The following WDFY4 variants were observed in gnomAD, a reference collection of about 807,000 sequenced individuals.
WDFY4 encodes the protein WD repeat- and FYVE domain-containing protein 4.
In WDFY4, 169 loss-of-function variants were observed where a neutral mutation model predicts 351.9. The ratio of observed to expected loss-of-function variants is 0.48; its 90% CI spans 0.42 to 0.55. The LOEUF is 0.55. Among genes scored for constraint, WDFY4 ranks in the 20% least tolerant of loss-of-function variants. WDFY4 has a pLI of 0.00. For missense variants in WDFY4, 3,803 were observed against 3,935.6 expected (o/e 0.97, Z 0.90); for synonymous variants, 1,622 against 1,574.6 (o/e 1.03, Z -0.71).
chr10:48,833,485 C>G (rs146871557), intron 39 of WDFY4, among the ~76,000 whole-genome samples: 1 of 152,188 alleles, frequency 6.6e-6, no homozygotes, highest in Non-Finnish European at 1.5e-5. Flanking sequence ...CCTTTTATGA[C>G]CTAGCTTCAG....
chr10:48,817,489 C>T (rs2067661395), intron 32 of WDFY4, 80 bp downstream of exon 32: 2 of 1,413,834 alleles, frequency 1.4e-6, no homozygotes, highest in African/African-American at 2.9e-5. Context: ...AAAATCCCTC[C>T]CCTCCCCCCT....
intron 13 of WDFY4, 47 bp from the exon 14 acceptor site, chr10:48,774,411 A>G (rs746745577): frequency 5.8e-5 from 90 of 1,544,004 alleles, no homozygotes; most frequent in Non-Finnish European, 7.7e-5. Context: ...GCTGTCCACA[A>G]GGTGTTCTGC....
intron 46 of WDFY4, 116 bp downstream of exon 46, chr10:48,900,422 C>A: frequency 1.0e-6 from 1 of 964,666 alleles, no homozygotes; most frequent in Non-Finnish European, 1.5e-6. Flanking sequence ...GTGAACGCCA[C>A]TCAGGCTGGG....
chr10:48,980,209 G>T (rs768751995), intron 60 of WDFY4: 3 of 152,208 alleles, frequency 2.0e-5, no homozygotes, highest in African/African-American at 7.2e-5. Flanking sequence ...ACACTGGCCT[G>T]CAGTTTAGAG....
chr10:48,744,043 A>G (rs117417351), intron 12 of WDFY4, among the ~76,000 whole-genome samples: 1 of 152,142 alleles, frequency 6.6e-6, no homozygotes, highest in African/African-American at 2.4e-5. Flanking sequence ...CCCCCTAACA[A>G]AGACAATTGC....
intron 44 of WDFY4, among the ~76,000 whole-genome samples, chr10:48,896,211 A>T (rs1254119791): frequency 6.6e-6 from 1 of 152,224 alleles, no homozygotes; most frequent in African/African-American, 2.4e-5. Context: ...CCAGTCAGAC[A>T]TGCCGCCAAG....
intron 1 of WDFY4, among the ~76,000 whole-genome samples, chr10:48,706,358 A>G (rs975263992): frequency 6.6e-6 from 1 of 152,164 alleles, no homozygotes; most frequent in African/African-American, 2.4e-5. Context: ...AGACCTCCTT[A>G]CAAAGAACCC....
rs1287486583 is a variant in WDFY4, at chr10:48,887,614, T to C, written c.7168-2965T>C. ...TAACACGGTGAAACCCCATCTTTAC[T>C]AAAAAATACAAAAAATTAGCCGGGC... is the stretch of plus-strand genomic sequence containing the variant. On this transcript the variant is annotated intron_variant, in intron 43 of 61. Transcript: ENST00000325239. Among the ~76,000 whole-genome samples the C allele has an allele frequency of 4.6e-5, 7 of 151,918 alleles. No homozygotes were observed. The East Asian group carries it at 1.2e-3, about 25-fold the overall frequency.
intron 19 of WDFY4, among the ~76,000 whole-genome samples, chr10:48,783,532 T>A (rs2066296173): frequency 6.6e-6 from 1 of 151,418 alleles, no homozygotes; most frequent in African/African-American, 2.4e-5. Context: ...ATATCAAATG[T>A]ATATATCTTA....
rs1042698117 is a variant in WDFY4 at position 48,981,300 on chromosome 10, G to T, written c.9377-67G>T. ...TGCGTATGTGTTTGCGGCCCCGTGT[G>T]CAGATGCACACTGTATGTGCGAAGC... On this transcript the variant is annotated intron_variant, in intron 60 of 61. Coordinates refer to ENST00000325239, the MANE Select transcript of WDFY4 (RefSeq NM_001394531.1). 7 of 1,366,258 alleles carry T rather than the reference G, an allele frequency of 5.1e-6. No homozygotes were observed. In the African/African-American group the frequency reaches 1.0e-4, roughly 20 times the overall value. The allele number at this position is 1,366,258 out of a possible 1,614,324, so 84.6% of individuals were successfully genotyped here. A position where few individuals can be genotyped will look rare whatever the true frequency, so the allele number is the denominator to read the frequency against.
rs2064457369 is a variant in WDFY4 at position 48,731,454 on chromosome 10, A to G, written c.1474A>G (p.Ser492Gly). 6.4e-7 allele frequency: 1 copy of G among 1,551,574 alleles called. No individual in the cohort carries two copies. Among genetic ancestry groups the G allele is most frequent in the Admixed American group, 2.0e-5 (1 of 50,984 alleles). ...CTLMALQSIL[S>G]IAGGDPLFTD... ...CCTCATGGCCCTGCAGAGCATCCTCAGCATCGCTGGTGGGGACCCCCTCTT... is the reference window on the plus strand; with the variant it reads ...CCTCATGGCCCTGCAGAGCATCCTCGGCATCGCTGGTGGGGACCCCCTCTT... Residue 492 changes from serine (S) to glycine (G), a missense_variant, in exon 9 of 62, where the codon AGC becomes GGC. Ser to Gly is a moderately conservative substitution (Grantham distance 56). Coordinates refer to ENST00000325239, the MANE Select transcript of WDFY4 (RefSeq NM_001394531.1).
chr10:48,727,450 C>A lies in WDFY4; in HGVS notation c.782-20C>A. 1.3e-6 allele frequency: 2 copies of A among 1,550,564 alleles called. No homozygotes were observed. The highest frequency in any genetic ancestry group is 1.2e-5 in the South Asian group (1 of 83,944). On this transcript the variant is annotated intron_variant, in intron 6 of 61. Transcript: ENST00000325239. ...TTGCTTCCAAGCTCAGCAGGTCTCTCCTGTGCTTCCCTCCTGCAGCCACAG... is the reference window on the plus strand; with the variant it reads ...TTGCTTCCAAGCTCAGCAGGTCTCTACTGTGCTTCCCTCCTGCAGCCACAG...
intron 47 of WDFY4, among the ~76,000 whole-genome samples, chr10:48,940,147 C>G (rs1840677102): frequency 6.6e-6 from 1 of 152,260 alleles, no homozygotes; most frequent in Non-Finnish European, 1.5e-5. Flanking sequence ...CTCACTGTCT[C>G]CAGCCTGGGC....
At position 48,743,178 on chromosome 10, in the gene WDFY4, G is replaced by A; in HGVS notation, c.2089G>A (p.Val697Ile). Residue 697 changes from valine (V) to isoleucine (I), a missense_variant, in exon 12 of 62, where the codon GTC becomes ATC. Transcript: ENST00000325239. ...AVSAALHWDP[V>I]NGYFFRRNGL... is the part of the protein sequence containing the mutation. The stretch of plus-strand genomic sequence containing the variant: ...GTCCGCAGCGCTGCACTGGGACCCT[G>A]TCAATGGCTACTTCTTCAGGAGGAA... The A allele has an allele frequency of 6.4e-7, 1 of 1,551,720 alleles. No individual in the cohort carries two copies. Among genetic ancestry groups the A allele is most frequent in the Non-Finnish European group, 8.7e-7 (1 of 1,146,982 alleles).
At chr10:48,747,879 G>A (rs1472190662) in intron 12 of WDFY4, among the ~76,000 whole-genome samples, 1 of 152,178 alleles carries the variant, frequency 6.6e-6, no homozygotes, top group Non-Finnish European at 1.5e-5. Context: ...CTTGCTCCAA[G>A]ATTTTCCTTT....
At chr10:48,957,402 C>T (rs959246985) in intron 52 of WDFY4, 120 bp downstream of exon 52, 52 of 1,259,674 alleles carry the variant, frequency 4.1e-5, no homozygotes, top group Middle Eastern at 2.1e-4. Context: ...ACCTCAACTT[C>T]GGGTGAGGTC....
At chr10:48,948,263 C>T (rs1195454424) in intron 51 of WDFY4, among the ~76,000 whole-genome samples, 1 of 152,182 alleles carries the variant, frequency 6.6e-6, no homozygotes, top group Non-Finnish European at 1.5e-5. Context: ...ATGTGCTTCC[C>T]CTGAGCCTTT....
At chr10:48,715,238 G>T (rs897874540) in intron 2 of WDFY4, among the ~76,000 whole-genome samples, 1 of 152,220 alleles carries the variant, frequency 6.6e-6, no homozygotes, top group African/African-American at 2.4e-5. Flanking sequence ...GCACAGAAAA[G>T]GTGTCCCTGC....
At chr10:48,898,356 C>G (rs565616493) in intron 45 of WDFY4, among the ~76,000 whole-genome samples, 71 of 152,244 alleles carry the variant, frequency 4.7e-4, no homozygotes, top group African/African-American at 1.5e-3. Flanking sequence ...AGCTGCATCC[C>G]CAGTCCCTGG....
Sources: allele counts gnomAD v4.1 joint callset (sites outside exome capture counted in the v4.1 genomes callset), GRCh38; gene constraint gnomAD v4.1.1; transcripts MANE v1.5; gene names NCBI Gene and HGNC (gene_info 2026-07-23, HGNC 2026-07-21).